GSG1L: variants seen among roughly 807,000 people sequenced by gnomAD.
GSG1L encodes the protein GSG1 like.
A neutral mutation model predicts 42.1 loss-of-function variants in GSG1L; 24 were observed. The observed-to-expected ratio is 0.57, with a 90% CI of 0.41 to 0.80. GSG1L has a LOEUF of 0.80. Among genes scored for constraint, GSG1L ranks in the 30% least tolerant of loss-of-function variants. GSG1L has a pLI of 0.00. For missense variants in GSG1L, 445 were observed against 472.2 expected (o/e 0.94, Z 0.53); for synonymous variants, 215 against 203.5 (o/e 1.06, Z -0.48).
chr16:27,946,571 AAGAAAGAAAGAGAGAGAGAGAGAGAG>A (rs1567529692), intron 2 of GSG1L, among the ~76,000 whole-genome samples: 47 of 37,932 alleles, frequency 1.2e-3, no homozygotes, highest in African/African-American at 1.9e-3. Flanking sequence ...GAAAGAAAGA[AAGAAAGAAAGAGAGAGAGAGAGAGAG>A]AGAGAGAGAG....
intron 5 of GSG1L, among the ~76,000 whole-genome samples, chr16:27,827,768 T>C (rs1362084758): frequency 6.6e-6 from 1 of 152,100 alleles, no homozygotes; most frequent in Non-Finnish European, 1.5e-5. Flanking sequence ...GTCCTTCCAC[T>C]CATACCTACT....
chr16:27,921,274 AC>A (rs1345306403), intron 2 of GSG1L, among the ~76,000 whole-genome samples: 1 of 151,360 alleles, frequency 6.6e-6, no homozygotes, highest in Non-Finnish European at 1.5e-5. Flanking sequence ...TCCCCACCGC[AC>A]CCCCAGTCCT....
chr16:27,860,486 T>C (rs1418334133), intron 3 of GSG1L, among the ~76,000 whole-genome samples: 3 of 152,222 alleles, frequency 2.0e-5, no homozygotes, highest in African/African-American at 7.2e-5. Context: ...AGATGTTCTC[T>C]GTTCTCTGTC....
intron 3 of GSG1L, among the ~76,000 whole-genome samples, chr16:27,867,808 C>A (rs1227580692): frequency 6.6e-6 from 1 of 152,110 alleles, no homozygotes; most frequent in Non-Finnish European, 1.5e-5. Flanking sequence ...CCCCCTGAGG[C>A]CACGCCCCCT....
chr16:27,959,329 A>G (rs4627356), intron 2 of GSG1L, among the ~76,000 whole-genome samples: 27,748 of 149,550 alleles, frequency 0.19, 3,087 homozygotes, highest in East Asian at 0.47. Flanking sequence ...TTAGCCGGGC[A>G]TGGTGGCGTG....
chr16:28,038,433 C>A lies in GSG1L; in HGVS notation c.349+24643G>T, dbSNP rs1312575938. Among the ~76,000 whole-genome samples the A allele has an allele frequency of 3.3e-5, 5 of 152,202 alleles. No individual in the cohort carries two copies. The East Asian group carries it at 9.6e-4, about 29-fold the overall frequency. ...GATCTGAACCCACAACCCCAGAGTC[C>A]AGCGGCCTTGAGGCTGCCCCTCTGG... On this transcript the variant is annotated intron_variant, in intron 1 of 6. Transcript: ENST00000447459.
At position 27,867,911 on chromosome 16, in the gene GSG1L, G is replaced by A. The variant is rs992051264; in HGVS notation, c.550+16575C>T. The stretch of plus-strand genomic sequence containing the variant: ...AGCAGTCCTGTCCCAACCTCCTTGC[G>A]TTTCTCGCGAGACCAGGCCCAGAAA... On this transcript the variant is annotated intron_variant, in intron 3 of 6. Coordinates refer to ENST00000447459, the MANE Select transcript of GSG1L (RefSeq NM_001109763.2). 3.3e-5 allele frequency among the ~76,000 whole-genome samples: 5 copies of A among 152,194 alleles called. No individual in the cohort carries two copies. The South Asian group carries it at 8.3e-4, about 25-fold the overall frequency.
In GSG1L at chr16:27,926,675, C is replaced by T. The variant is rs181010987; in HGVS notation, c.397+36481G>A. Among the ~76,000 whole-genome samples, 55 of 152,074 alleles carry T rather than the reference C, an allele frequency of 3.6e-4. 1 individual carries two copies. In the East Asian group the frequency reaches 7.4e-3, roughly 20 times the overall value. On this transcript the variant is annotated intron_variant, in intron 2 of 6. Coordinates refer to ENST00000447459, the MANE Select transcript of GSG1L (RefSeq NM_001109763.2). ...CTCCACTCCAGCCTGGGCGACAGAG[C>T]GAGACTCCGTCACAAAGGAAAAAAC...
chr16:27,915,196 TACACACACAC>T lies in GSG1L; in HGVS notation c.398-30568_398-30559del, dbSNP rs66820312. ...GAGGTGTCTCTTCCCCCAGAGGATGTACACACACACACACACACACACACACACACACACA... is the reference window on the plus strand; with the variant it reads ...GAGGTGTCTCTTCCCCCAGAGGATGTACACACACACACACACACACACACA... On this transcript the variant is annotated intron_variant, in intron 2 of 6. Transcript: ENST00000447459. Among the ~76,000 whole-genome samples, 164 of 121,860 alleles carry T rather than the reference TACACACACAC, an allele frequency of 1.3e-3. 1 individual carries two copies. Among genetic ancestry groups the T allele is most frequent in the South Asian group, 7.8e-3 (24 of 3,074 alleles). The allele number at this position is 121,860 out of a possible 152,430, so 79.9% of individuals were successfully genotyped here.
chr16:27,943,574 T>C (rs2084826719), intron 2 of GSG1L, among the ~76,000 whole-genome samples: 1 of 127,790 alleles, frequency 7.8e-6, no homozygotes, highest in Non-Finnish European at 1.7e-5. Context: ...TTCTTTTTTT[T>C]TTTTTTTTTT....
chr16:27,854,619 AGTGATGTC>A (rs1451699749), intron 3 of GSG1L, among the ~76,000 whole-genome samples: 2 of 152,106 alleles, frequency 1.3e-5, no homozygotes, highest in African/African-American at 4.8e-5. Context: ...GTTCAAAAAG[AGTGATGTC>A]CACCTGTGCC....
At chr16:28,062,512 G>A (rs1018373832) in intron 1 of GSG1L, among the ~76,000 whole-genome samples, 1 of 152,156 alleles carries the variant, frequency 6.6e-6, no homozygotes, top group African/African-American at 2.4e-5. Flanking sequence ...GCGGCTTTCC[G>A]GGAGCCCGCG....
chr16:27,858,519 A>G (rs972261081), intron 3 of GSG1L, among the ~76,000 whole-genome samples: 5 of 152,230 alleles, frequency 3.3e-5, no homozygotes, highest in African/African-American at 1.2e-4. Flanking sequence ...TTCATTCAGC[A>G]AATATTTATT....
rs371676995 is a variant in GSG1L, at chr16:28,063,141, C to A, written c.284G>T (p.Arg95Leu). Residue 95 changes from arginine (R) to leucine (L), a missense_variant, in exon 1 of 7, where the codon CGC becomes CTC. Coordinates refer to ENST00000447459, the MANE Select transcript of GSG1L (RefSeq NM_001109763.2). The surrounding 1 kb of genome is among the most constrained non-coding windows in gnomAD (Gnocchi z 5.8). Reference sequence around the variant, plus strand: ...GGTGTGGAAATTCCTGAAGAGGAAGCGGTCGTCGCCGGTCTCCCAGCTGTA... The same window carrying A: ...GGTGTGGAAATTCCTGAAGAGGAAGAGGTCGTCGCCGGTCTCCCAGCTGTA... ...ALYSWETGDD[R>L]FLFRNFHTGI... is the part of the protein sequence containing the mutation. 1.2e-3 allele frequency: 1,717 copies of A among 1,426,374 alleles called. 2 individuals are homozygous for A. Among genetic ancestry groups the A allele is most frequent in the Non-Finnish European group, 1.5e-3 (1,631 of 1,083,864 alleles). 88.4% of individuals were successfully genotyped at this position (1,426,374 alleles called of 1,614,324 possible). A position where few individuals can be genotyped will look rare whatever the true frequency, so the allele number is the denominator to read the frequency against.
At chr16:27,886,427 G>A (rs1056200824) in intron 2 of GSG1L, among the ~76,000 whole-genome samples, 5 of 152,188 alleles carry the variant, frequency 3.3e-5, no homozygotes, top group African/African-American at 4.8e-5. Context: ...GCAACAGAGC[G>A]AGACTCCGTC....
rs57025015 is a variant in GSG1L at position 27,892,177 on chromosome 16, G to A, written c.398-7539C>T. Among the ~76,000 whole-genome samples, 13 of 152,210 alleles carry A rather than the reference G, an allele frequency of 8.5e-5. No individual in the cohort carries two copies. The East Asian group carries it at 1.5e-3, about 18-fold the overall frequency. On this transcript the variant is annotated intron_variant, in intron 2 of 6. Transcript: ENST00000447459. ...AAATGTACATGTAAAAAATGAGGCC[G>A]AATGCAGTAGCTCAAGCCTCTAATC...
chr16:27,944,955 T>C (rs2084845788), intron 2 of GSG1L, among the ~76,000 whole-genome samples: 1 of 151,196 alleles, frequency 6.6e-6, no homozygotes, highest in Non-Finnish European at 1.5e-5. Flanking sequence ...CGTGTACCTG[T>C]AGTCTCAGAT....
intron 1 of GSG1L, among the ~76,000 whole-genome samples, chr16:27,965,564 G>C (rs1359365401): frequency 2.6e-5 from 4 of 152,152 alleles, no homozygotes; most frequent in Admixed American, 2.6e-4. Context: ...CCCCCAGCAA[G>C]CTGCAAGCTC....
At chr16:27,867,884 C>T (rs1317803942) in intron 3 of GSG1L, among the ~76,000 whole-genome samples, 1 of 152,252 alleles carries the variant, frequency 6.6e-6, no homozygotes, top group African/African-American at 2.4e-5. Context: ...GAGCCTGGGC[C>T]TAGCAGTCCT....
Sources: allele counts gnomAD v4.1 joint callset (sites outside exome capture counted in the v4.1 genomes callset), GRCh38; gene constraint gnomAD v4.1.1; non-coding constraint Gnocchi (gnomAD v3.1); transcripts MANE v1.5; gene names NCBI Gene and HGNC (gene_info 2026-07-23, HGNC 2026-07-21).